The following AGAP1 variants were observed in gnomAD, a reference collection of about 807,000 sequenced individuals.
The protein encoded by AGAP1 is ArfGAP with GTPase domain, ankyrin repeat and PH domain 1, also known as arf-GAP with GTPase, ANK repeat and PH domain-containing protein 1.
In AGAP1, 29 loss-of-function variants were observed where a neutral mutation model predicts 105.3. That is an observed-to-expected ratio of 0.28 (90% CI 0.21 to 0.38). The LOEUF (loss-of-function observed/expected upper bound fraction) is 0.38, where lower values mean the gene tolerates loss of function less well. Among genes scored for constraint, AGAP1 ranks in the 10% least tolerant of loss-of-function variants. The pLI, the probability that AGAP1 is intolerant of heterozygous loss-of-function variation, is 1.00. For synonymous variants in AGAP1, 509 were observed against 485.9 expected, an observed-to-expected ratio of 1.05 and a Z score of -0.63; for missense variants, 998 against 1,165.1, an observed-to-expected ratio of 0.86 and a Z score of 2.09.
At chr2:235,696,449 A>G (rs1355709836) in intron 1 of AGAP1, among the ~76,000 whole-genome samples, 1 of 152,124 alleles carries the variant, frequency 6.6e-6, no homozygotes. Context: ...TGGACATTTC[A>G]GTGTGAAGGG....
chr2:235,994,683 C>T lies in AGAP1; in HGVS notation c.1645+26060C>T, dbSNP rs1018394008. ...GCAGTGGAGAGCTCGGCTCAAAGTG[C>T]GAAGTTGTTTAGATTTCCACGTTAC... On this transcript the variant is annotated intron_variant, in intron 13 of 17. Transcript: ENST00000304032. This position sits in a 1 kb window ranked among gnomAD's most constrained non-coding sequence, Gnocchi z 4.4. 1.3e-5 allele frequency among the ~76,000 whole-genome samples: 2 copies of T among 149,732 alleles called. No homozygotes were observed. The highest frequency in any genetic ancestry group is 6.6e-5 in the Admixed American group (1 of 15,052).
At chr2:235,738,971 C>G (rs1174389678) in intron 3 of AGAP1, among the ~76,000 whole-genome samples, 1 of 152,184 alleles carries the variant, frequency 6.6e-6, no homozygotes, top group African/African-American at 2.4e-5. Context: ...ACTACTATCA[C>G]TGTTGCAGAC....
intron 1 of AGAP1, among the ~76,000 whole-genome samples, chr2:235,498,309 C>A (rs1301815009): frequency 3.3e-5 from 5 of 151,762 alleles, no homozygotes. Flanking sequence ...TTTATTCCCC[C>A]CTCCCTTCAC....
chr2:235,571,147 G>A (rs1944498943), intron 1 of AGAP1, among the ~76,000 whole-genome samples: 1 of 152,152 alleles, frequency 6.6e-6, no homozygotes, highest in Non-Finnish European at 1.5e-5. Context: ...CCTTATCACA[G>A]GAACAGCACC....
Position 236,073,744 on chromosome 2 carries a change from G to A in AGAP1, c.2114+24463G>A, listed in dbSNP as rs778772022. On this transcript the variant is annotated intron_variant, in intron 16 of 17. Transcript: ENST00000304032. This position sits in a 1 kb window ranked among gnomAD's most constrained non-coding sequence, Gnocchi z 5.4. ...TAACTTGTAACTTCATTGGTGGTGG[G>A]GGTACAGGCAGGTCAGCTTGTTCAC... 6.6e-5 allele frequency among the ~76,000 whole-genome samples: 10 copies of A among 152,250 alleles called. No individual in the cohort carries two copies. The highest frequency in any genetic ancestry group is 3.4e-3 in the Middle Eastern group (1 of 294).
intron 13 of AGAP1, among the ~76,000 whole-genome samples, chr2:236,021,091 G>A (rs533780982): frequency 1.3e-5 from 2 of 151,692 alleles, no homozygotes; most frequent in East Asian, 3.9e-4. Context: ...TCTTGAACCA[G>A]GGAGGCAGAG....
At chr2:235,672,107 T>C (rs2149364334) in intron 1 of AGAP1, among the ~76,000 whole-genome samples, 1 of 152,268 alleles carries the variant, frequency 6.6e-6, no homozygotes, top group East Asian at 1.9e-4. Context: ...CTGGTACAGA[T>C]AAAGGTAGTT....
chr2:235,753,271 T>C lies in AGAP1; in HGVS notation c.673+2783T>C, dbSNP rs1170422949. ...GATATTTCTAAATATTAGTTTAAAA[T>C]ATTCAGAAAAAGCGTTTCCGTTACT... is the stretch of plus-strand genomic sequence containing the variant. On this transcript the variant is annotated intron_variant, in intron 6 of 17. Transcript: ENST00000304032. This position sits in a 1 kb window ranked among gnomAD's most constrained non-coding sequence, Gnocchi z 4.5. Among the ~76,000 whole-genome samples the C allele has an allele frequency of 6.6e-6, 1 of 152,186 alleles. No homozygotes were observed. Among genetic ancestry groups the C allele is most frequent in the Non-Finnish European group, 1.5e-5 (1 of 68,034 alleles).
At position 235,716,408 on chromosome 2, in the gene AGAP1, C is replaced by T. The variant is rs1446701155; in HGVS notation, c.223-1149C>T. ...CTTTGAAATGGAAGTTGCGGGTGAC[C>T]TAGTGGGCAGTTTCCTGGTAGCAAC... On this transcript the variant is annotated intron_variant, in intron 2 of 17. Coordinates refer to ENST00000304032, the MANE Select transcript of AGAP1 (RefSeq NM_001037131.3). This position sits in a 1 kb window ranked among gnomAD's most constrained non-coding sequence, Gnocchi z 4.0. Among the ~76,000 whole-genome samples, 2 of 152,036 alleles carry T rather than the reference C, an allele frequency of 1.3e-5. No homozygotes were observed. Among genetic ancestry groups the T allele is most frequent in the Non-Finnish European group, 2.9e-5 (2 of 68,014 alleles).
At chr2:236,102,358 C>T (rs868241466) in intron 16 of AGAP1, among the ~76,000 whole-genome samples, 1 of 145,110 alleles carries the variant, frequency 6.9e-6, no homozygotes, top group Non-Finnish European at 1.5e-5. Context: ...GCAGAGCTTG[C>T]ATTGAGGCGA....
At position 236,087,751 on chromosome 2, in the gene AGAP1, A is replaced by C. The variant is rs376533013; in HGVS notation, c.2115-32441A>C. ...GACATACCCATTTTCTTTGTCCATG[A>C]AGCACCAAATAAGAAGTTGGCGTCC... On this transcript the variant is annotated intron_variant, in intron 16 of 17. Transcript: ENST00000304032. The surrounding 1 kb of genome is among the most constrained non-coding windows in gnomAD (Gnocchi z 5.7). Among the ~76,000 whole-genome samples the C allele has an allele frequency of 2.0e-5, 3 of 152,240 alleles. No individual in the cohort carries two copies. The highest frequency in any genetic ancestry group is 7.2e-5 in the African/African-American group (3 of 41,468).
At position 235,750,865 on chromosome 2, in the gene AGAP1, CA is replaced by C. The variant is rs1038413674; in HGVS notation, c.673+378del. Among the ~76,000 whole-genome samples the C allele has an allele frequency of 4.6e-5, 7 of 151,984 alleles. No homozygotes were observed. The highest frequency in any genetic ancestry group is 8.8e-5 in the Non-Finnish European group (6 of 68,018). The stretch of plus-strand genomic sequence containing the variant: ...CTTAATCCAGTCCCGTCCTTTAAAG[CA>C]GTTTAAATATTTGATATTAGGCTTT... On this transcript the variant is annotated intron_variant, in intron 6 of 17. Transcript: ENST00000304032. This position sits in a 1 kb window ranked among gnomAD's most constrained non-coding sequence, Gnocchi z 5.3.
chr2:235,805,140 T>C (rs12464260), intron 8 of AGAP1, among the ~76,000 whole-genome samples: 35,232 of 152,240 alleles, frequency 0.23, 5,171 homozygotes, highest in Admixed American at 0.4. Flanking sequence ...GCCACTGTTC[T>C]TTCCCGAAAT....
chr2:235,713,601 T>C (rs1365882288), intron 2 of AGAP1, among the ~76,000 whole-genome samples: 4 of 152,230 alleles, frequency 2.6e-5, no homozygotes, highest in African/African-American at 4.8e-5. Flanking sequence ...ATCAACACAC[T>C]GATGTTTCCA....
Position 235,739,781 on chromosome 2 carries a change from T to C in AGAP1, c.311-1182T>C, listed in dbSNP as rs1952467028. Reference sequence around the variant, plus strand: ...GGCCTCGGACACTTTCAGGCTGGGATGGGGACTCTGATTTTTTGCTTCTCA... The same window carrying C: ...GGCCTCGGACACTTTCAGGCTGGGACGGGGACTCTGATTTTTTGCTTCTCA... On this transcript the variant is annotated intron_variant, in intron 3 of 17. Coordinates refer to ENST00000304032, the MANE Select transcript of AGAP1 (RefSeq NM_001037131.3). This position sits in a 1 kb window ranked among gnomAD's most constrained non-coding sequence, Gnocchi z 5.3. 6.6e-6 allele frequency among the ~76,000 whole-genome samples: 1 copy of C among 152,162 alleles called. No homozygotes were observed. The highest frequency in any genetic ancestry group is 1.5e-5 in the Non-Finnish European group (1 of 68,022).
At chr2:235,871,318 TA>T (rs549022604) in intron 9 of AGAP1, among the ~76,000 whole-genome samples, 171 of 152,320 alleles carry the variant, frequency 1.1e-3, no homozygotes, top group African/African-American at 4.1e-3. Flanking sequence ...CTCCCGTATT[TA>T]ACAGAGCCAG....
intron 1 of AGAP1, among the ~76,000 whole-genome samples, chr2:235,688,426 T>C (rs1949573006): frequency 6.6e-6 from 1 of 152,138 alleles, no homozygotes; most frequent in Non-Finnish European, 1.5e-5. Flanking sequence ...GACGGTCCCC[T>C]CCACTCACTC....
intron 13 of AGAP1, among the ~76,000 whole-genome samples, chr2:236,018,126 C>G (rs1395415108): frequency 6.6e-6 from 1 of 152,220 alleles, no homozygotes; most frequent in African/African-American, 2.4e-5. Context: ...AATGTACAAA[C>G]TTTTGTTGCT....
chr2:235,855,592 C>G lies in AGAP1; in HGVS notation c.1051-27753C>G, dbSNP rs973628146. Among the ~76,000 whole-genome samples the G allele has an allele frequency of 6.6e-6, 1 of 152,162 alleles. No individual in the cohort carries two copies. Among genetic ancestry groups the G allele is most frequent in the Admixed American group, 6.5e-5 (1 of 15,276 alleles). On this transcript the variant is annotated intron_variant, in intron 9 of 17. Coordinates refer to ENST00000304032, the MANE Select transcript of AGAP1 (RefSeq NM_001037131.3). The surrounding 1 kb of genome is among the most constrained non-coding windows in gnomAD (Gnocchi z 5.0). Reference sequence around the variant, plus strand: ...AGGGTATCATTCTTTCCTTTAGATTCGTTGCCCTGAACTTTTGATTTTGAT... The same window carrying G: ...AGGGTATCATTCTTTCCTTTAGATTGGTTGCCCTGAACTTTTGATTTTGAT...
Sources: allele counts gnomAD v4.1 joint callset (sites outside exome capture counted in the v4.1 genomes callset), GRCh38; gene constraint gnomAD v4.1.1; non-coding constraint Gnocchi (gnomAD v3.1); transcripts MANE v1.5; gene names NCBI Gene and HGNC (gene_info 2026-07-23, HGNC 2026-07-21).